Variants in CACNB2 observed in about 807,000 individuals in gnomAD.
CACNB2 encodes the protein voltage-dependent L-type calcium channel subunit beta-2.
Under a neutral mutation model 73.3 loss-of-function variants are expected in CACNB2, and 42 were observed. The observed-to-expected ratio is 0.57, with a 90% CI of 0.45 to 0.74. The LOEUF (loss-of-function observed/expected upper bound fraction) is 0.74. CACNB2 is among the 30% of genes least tolerant of loss of function. The pLI, the probability that CACNB2 is intolerant of heterozygous loss-of-function variation, is 0.00. For missense variants in CACNB2, 940 were observed against 853.0 expected (o/e 1.10, Z -1.27); for synonymous variants, 348 against 310.3 (o/e 1.12, Z -1.28).
At chr10:18,244,670 G>A (rs1025100820) in intron 2 of CACNB2, among the ~76,000 whole-genome samples, 4 of 152,234 alleles carry the variant, frequency 2.6e-5, no homozygotes, top group African/African-American at 9.6e-5. Flanking sequence ...CTTAGAGAAG[G>A]ATGGCTCCCT....
intron 2 of CACNB2, among the ~76,000 whole-genome samples, chr10:18,167,732 G>A (rs943770094): frequency 6.6e-6 from 1 of 152,130 alleles, no homozygotes; most frequent in East Asian, 1.9e-4. Context: ...GTAGCCGTTG[G>A]GGGGAGAAGT....
intron 3 of CACNB2, among the ~76,000 whole-genome samples, chr10:18,422,660 G>A (rs188979035): frequency 5.3e-5 from 8 of 152,014 alleles, no homozygotes; most frequent in East Asian, 1.9e-4. Flanking sequence ...ACAATTTGGC[G>A]TACCTGGGAC....
rs192283347 is a variant in CACNB2, at chr10:18,277,113, T to C, written c.214-124811T>C. On this transcript the variant is annotated intron_variant, in intron 2 of 13. Transcript: ENST00000324631. ...GCCTGAGGGATGGAGCGAGATCTTG[T>C]CTCTTAGAAGAAAAAAGTCATGGAG... 1.4e-3 allele frequency among the ~76,000 whole-genome samples: 211 copies of C among 152,222 alleles called. 1 individual carries two copies. Among genetic ancestry groups the C allele is most frequent in the African/African-American group, 4.6e-3 (191 of 41,524 alleles).
Position 18,494,504 on chromosome 10 carries a change from C to T in CACNB2, c.334-3851C>T, listed in dbSNP as rs2132969968. Reference sequence around the variant, plus strand: ...AAAATTAGCCGGGCATGGTGGCGGGCACCTGTAGTCCCAGCTACTCGGGAG... The same window carrying T: ...AAAATTAGCCGGGCATGGTGGCGGGTACCTGTAGTCCCAGCTACTCGGGAG... On this transcript the variant is annotated intron_variant, in intron 3 of 13. Coordinates refer to ENST00000324631, the MANE Select transcript of CACNB2 (RefSeq NM_201596.3). 2.0e-5 allele frequency among the ~76,000 whole-genome samples: 3 copies of T among 151,838 alleles called. No homozygotes were observed. The East Asian group carries it at 5.8e-4, about 29-fold the overall frequency.
intron 2 of CACNB2, among the ~76,000 whole-genome samples, chr10:18,311,284 G>A (rs1025147208): frequency 2.0e-5 from 3 of 152,114 alleles, no homozygotes; most frequent in African/African-American, 7.2e-5. Flanking sequence ...TAGGCAGGTG[G>A]CATGGGTTCC....
chr10:18,467,371 G>C (rs547697047), intron 3 of CACNB2, among the ~76,000 whole-genome samples: 227 of 152,326 alleles, frequency 1.5e-3, no homozygotes, highest in African/African-American at 5.4e-3. Flanking sequence ...TGTTCCCAGA[G>C]AGTGTTAAGT....
intron 2 of CACNB2, among the ~76,000 whole-genome samples, chr10:18,378,352 T>C (rs2042884938): frequency 6.6e-6 from 1 of 152,240 alleles, no homozygotes; most frequent in African/African-American, 2.4e-5. Context: ...AGCCTGACAT[T>C]CTCTGCTTTT....
intron 3 of CACNB2, among the ~76,000 whole-genome samples, chr10:18,457,684 A>G (rs2047354360): frequency 6.6e-6 from 1 of 152,118 alleles, no homozygotes; most frequent in Non-Finnish European, 1.5e-5. Context: ...TGAGGTCAGG[A>G]GTTCAAGACC....
intron 3 of CACNB2, among the ~76,000 whole-genome samples, chr10:18,441,539 C>CT (rs766037485): frequency 1.3e-5 from 2 of 151,750 alleles, no homozygotes; most frequent in East Asian, 1.9e-4. Flanking sequence ...TTCCTTTTTT[C>CT]TTTTTTTTGC....
At chr10:18,469,566 G>A (rs767389939) in intron 3 of CACNB2, among the ~76,000 whole-genome samples, 4 of 152,178 alleles carry the variant, frequency 2.6e-5, no homozygotes, top group Non-Finnish European at 5.9e-5. Context: ...TCCAAATCTA[G>A]AAGTCTGACC....
At chr10:18,343,270 C>A (rs2041307160) in intron 2 of CACNB2, among the ~76,000 whole-genome samples, 1 of 152,048 alleles carries the variant, frequency 6.6e-6, no homozygotes. Flanking sequence ...TCCTTTCTTC[C>A]CTTCCTCCAA....
At chr10:18,204,174 C>T (rs988469288) in intron 2 of CACNB2, among the ~76,000 whole-genome samples, 3 of 152,184 alleles carry the variant, frequency 2.0e-5, no homozygotes, top group Non-Finnish European at 4.4e-5. Context: ...ATGGTCCCTA[C>T]GATAGTTGCT....
chr10:18,396,955 C>T (rs1445238247), intron 2 of CACNB2, among the ~76,000 whole-genome samples: 1 of 152,072 alleles, frequency 6.6e-6, no homozygotes, highest in African/African-American at 2.4e-5. Context: ...AAGAACATGG[C>T]TTTAAGACTT....
chr10:18,166,731 C>T (rs1475886081), intron 2 of CACNB2, among the ~76,000 whole-genome samples: 3 of 152,028 alleles, frequency 2.0e-5, no homozygotes, highest in African/African-American at 7.2e-5. Context: ...ACATCACACT[C>T]TGGGGACTGT....
At chr10:18,182,179 AGGGCC>A (rs2033919193) in intron 2 of CACNB2, 1 of 152,030 alleles carries the variant, frequency 6.6e-6, no homozygotes, top group Non-Finnish European at 1.5e-5. Context: ...TTTTGAAGTA[AGGGCC>A]GGGTACAGTC....
intron 2 of CACNB2, among the ~76,000 whole-genome samples, chr10:18,246,120 AAC>A (rs1213954848): frequency 6.6e-6 from 1 of 152,128 alleles, no homozygotes; most frequent in Non-Finnish European, 1.5e-5. Context: ...TACTGGGTTA[AAC>A]ACACCAATTC....
rs578126160 is a variant in CACNB2, at chr10:18,488,541, G to A, written c.334-9814G>A. ...CATCGCTGTTGATTTCCTGAACCTCGAGTTTTTTAAGTGCATCTTTGTACT... is the reference window on the plus strand; with the variant it reads ...CATCGCTGTTGATTTCCTGAACCTCAAGTTTTTTAAGTGCATCTTTGTACT... On this transcript the variant is annotated intron_variant, in intron 3 of 13. Transcript: ENST00000324631. Among the ~76,000 whole-genome samples, 12 of 148,258 alleles carry A rather than the reference G, an allele frequency of 8.1e-5. No individual in the cohort carries two copies. In the South Asian group the frequency reaches 2.0e-3, roughly 24 times the overall value.
intron 2 of CACNB2, among the ~76,000 whole-genome samples, chr10:18,347,731 T>C (rs181520483): frequency 1.3e-5 from 2 of 152,294 alleles, no homozygotes; most frequent in African/African-American, 4.8e-5. Context: ...GAATGTACCT[T>C]GAATCTTGAG....
chr10:18,156,075 A>G (rs2032026796), intron 2 of CACNB2, among the ~76,000 whole-genome samples: 4 of 152,166 alleles, frequency 2.6e-5, no homozygotes, highest in Admixed American at 2.6e-4. Context: ...ATGGTGAAAC[A>G]TATTTGAATA....
Sources: allele counts gnomAD v4.1 joint callset (sites outside exome capture counted in the v4.1 genomes callset), GRCh38; gene constraint gnomAD v4.1.1; transcripts MANE v1.5; gene names NCBI Gene and HGNC (gene_info 2026-07-23, HGNC 2026-07-21).